WDR7: variants seen among roughly 807,000 people sequenced by gnomAD.
WDR7 encodes WD repeat-containing protein 7.
WDR7 carries 46 observed loss-of-function variants against 169.4 expected under a neutral mutation model. That is an observed-to-expected ratio of 0.27 (90% CI 0.21 to 0.35). The LOEUF (loss-of-function observed/expected upper bound fraction) is 0.35, where lower values mean the gene tolerates loss of function less well. Among genes scored for constraint, WDR7 ranks in the 10% least tolerant of loss-of-function variants. The probability of loss-of-function intolerance (pLI) is 1.00; values close to 1 mark genes in which losing one functional copy is unlikely to be tolerated. For missense variants in WDR7, 1,534 were observed against 1,859.3 expected (o/e 0.83, Z 3.22); for synonymous variants, 612 against 666.8 (o/e 0.92, Z 1.27).
intron 20 of WDR7, among the ~76,000 whole-genome samples, chr18:56,860,454 C>T (rs1350748130): frequency 1.3e-5 from 2 of 152,040 alleles, no homozygotes; most frequent in African/African-American, 2.4e-5. Context: ...GCATTCCCTC[C>T]CCGCAACTGA....
intron 8 of WDR7, among the ~76,000 whole-genome samples, 159 bp from the exon 9 acceptor site, chr18:56,691,556 A>T (rs1472281944): frequency 6.6e-6 from 1 of 152,238 alleles, no homozygotes. Context: ...TATTTGAAGG[A>T]CAATATTTTT....
intron 14 of WDR7, among the ~76,000 whole-genome samples, chr18:56,734,395 T>C (rs911384592): frequency 6.6e-6 from 1 of 152,120 alleles, no homozygotes; most frequent in Non-Finnish European, 1.5e-5. Context: ...ATCATTTCTG[T>C]CTTCTACCTA....
intron 25 of WDR7, among the ~76,000 whole-genome samples, chr18:56,946,765 A>G (rs1011543997): frequency 1.3e-5 from 2 of 152,246 alleles, no homozygotes; most frequent in African/African-American, 4.8e-5. Context: ...AAAAGCCATG[A>G]AAGTAAAAAT....
downstream of WDR7, chr18:57,034,756 A>G (rs1286767455): frequency 6.6e-6 from 1 of 152,058 alleles, no homozygotes. Context: ...TGAAAAGCTG[A>G]AGGGTGATTA....
rs554342266 is a variant in WDR7 at position 56,694,119 on chromosome 18, C to T, written c.967-500C>T. The stretch of plus-strand genomic sequence containing the variant: ...TGACTCCTGGCCTCAAGCGATCTTC[C>T]GTGTCATTGTTGGGATTACAAGCAT... On this transcript the variant is annotated intron_variant, in intron 9 of 27. Transcript: ENST00000254442. Among the ~76,000 whole-genome samples, 24 of 151,790 alleles carry T rather than the reference C, an allele frequency of 1.6e-4. No homozygotes were observed. The Middle Eastern group carries it at 0.01, about 65-fold the overall frequency.
intron 9 of WDR7, among the ~76,000 whole-genome samples, chr18:56,694,178 A>C (rs1466424612): frequency 1.3e-5 from 2 of 152,140 alleles, no homozygotes; most frequent in Non-Finnish European, 2.9e-5. Flanking sequence ...TGCTATTCTT[A>C]ATGATTAATC....
intron 5 of WDR7, 24 bp from the exon 6 acceptor site, chr18:56,685,932 C>T (rs759135179): frequency 6.3e-7 from 1 of 1,585,708 alleles, no homozygotes; most frequent in Non-Finnish European, 8.6e-7. Context: ...ACCTGGGCTG[C>T]TTTTTTGTCC....
intron 22 of WDR7, among the ~76,000 whole-genome samples, chr18:56,931,844 G>C (rs2046889573): frequency 6.6e-6 from 1 of 152,096 alleles, no homozygotes; most frequent in Admixed American, 6.5e-5. Flanking sequence ...TAAAATAAAG[G>C]AACAGACCTT....
intron 23 of WDR7, among the ~76,000 whole-genome samples, chr18:56,936,935 T>G (rs959383895): frequency 6.6e-6 from 1 of 152,222 alleles, no homozygotes; most frequent in African/African-American, 2.4e-5. Context: ...ATATAATGTG[T>G]GCATATATAT....
intron 20 of WDR7, among the ~76,000 whole-genome samples, chr18:56,845,160 G>A (rs906102982): frequency 2.0e-5 from 3 of 151,976 alleles, no homozygotes; most frequent in Non-Finnish European, 4.4e-5. Context: ...GAATTGATCT[G>A]ATATGTCCCA....
chr18:56,892,877 C>A (rs1475246525), intron 21 of WDR7, among the ~76,000 whole-genome samples: 1 of 151,976 alleles, frequency 6.6e-6, no homozygotes, highest in African/African-American at 2.4e-5. Context: ...GAGATTACAT[C>A]ATCAAGACAG....
At chr18:56,726,983 G>A (rs2026471738) in intron 13 of WDR7, among the ~76,000 whole-genome samples, 1 of 152,086 alleles carries the variant, frequency 6.6e-6, no homozygotes, top group Admixed American at 6.6e-5. Flanking sequence ...CCTTCTGCAG[G>A]TTTCTGTGGA....
chr18:56,760,041 T>C (rs1381368717), intron 16 of WDR7, among the ~76,000 whole-genome samples: 2 of 152,224 alleles, frequency 1.3e-5, no homozygotes, highest in Non-Finnish European at 2.9e-5. Context: ...CTCATTTCTC[T>C]GACCTCTAAT....
intron 13 of WDR7, among the ~76,000 whole-genome samples, chr18:56,726,057 G>C (rs1190317551): frequency 6.6e-6 from 1 of 152,180 alleles, no homozygotes; most frequent in African/African-American, 2.4e-5. Flanking sequence ...GGTTACTGTA[G>C]CCTTGTAGTA....
chr18:56,919,506 A>T (rs11664945), intron 21 of WDR7, among the ~76,000 whole-genome samples: 122,676 of 151,838 alleles, frequency 0.81, 50,087 homozygotes, highest in East Asian at 0.98. Flanking sequence ...TTTTGGGGAG[A>T]TGCTCGTTAA....
intron 25 of WDR7, among the ~76,000 whole-genome samples, chr18:56,951,741 G>A (rs529830693): frequency 2.8e-4 from 43 of 151,792 alleles, no homozygotes; most frequent in Non-Finnish European, 5.4e-4. Flanking sequence ...ATACATATAT[G>A]CATATATACA....
chr18:56,927,303 C>T (rs142798647), intron 22 of WDR7, among the ~76,000 whole-genome samples: 3 of 152,034 alleles, frequency 2.0e-5, no homozygotes, highest in East Asian at 3.9e-4. Flanking sequence ...GTATATGCCT[C>T]GAGATGAAGA....
chr18:56,820,359 A>AAAAAAAAAAAAAAC lies in WDR7; in HGVS notation c.3304+4220_3304+4221insAAAAAAAACAAAAA, dbSNP rs1044771844. On this transcript the variant is annotated intron_variant, in intron 20 of 27. Coordinates refer to ENST00000254442, the MANE Select transcript of WDR7 (RefSeq NM_015285.3). ...ATTGTCAAAAAAAAAAAAAAAAAAA[A>AAAAAAAAAAAAAAC]AAAAACCACCTTGATACTAGATCAG... 2.3e-4 allele frequency among the ~76,000 whole-genome samples: 29 copies of AAAAAAAAAAAAAAC among 127,502 alleles called. 2 individuals are homozygous for AAAAAAAAAAAAAAC. Among genetic ancestry groups the AAAAAAAAAAAAAAC allele is most frequent in the African/African-American group, 9.9e-4 (28 of 28,414 alleles). The allele number at this position is 127,502 out of a possible 152,430, so 83.6% of individuals were successfully genotyped here.
At chr18:56,686,237 T>C (rs2025441279) in intron 6 of WDR7, among the ~76,000 whole-genome samples, 1 of 152,234 alleles carries the variant, frequency 6.6e-6, no homozygotes, top group South Asian at 2.1e-4. Flanking sequence ...CAACATCTGC[T>C]CTATCATGGA....
Sources: gnomAD v4.1 joint callset for allele counts (sites outside exome capture counted in the v4.1 genomes callset) on GRCh38, gnomAD v4.1.1 for gene constraint, MANE v1.5 for transcripts, NCBI Gene and HGNC (gene_info 2026-07-23, HGNC 2026-07-21) for gene names.